Variants in MYPOP observed in about 807,000 individuals in gnomAD.
The protein encoded by MYPOP is myb-related transcription factor, partner of profilin.
In MYPOP, 21 loss-of-function variants were observed where a neutral mutation model predicts 25.7. That is an observed-to-expected ratio of 0.82 (90% CI 0.58 to 1.18). The LOEUF (loss-of-function observed/expected upper bound fraction) is 1.18. MYPOP is among the 50% of genes most tolerant of loss of function. The pLI, the probability that MYPOP is intolerant of heterozygous loss-of-function variation, is 0.00. For synonymous variants in MYPOP, 280 were observed against 247.9 expected (o/e 1.13, Z -1.22); for missense variants, 566 against 588.3 (o/e 0.96, Z 0.39).
At chr19:45,902,313 A>G (rs1011867383) in intron 1 of MYPOP, among the ~76,000 whole-genome samples, 11 of 151,664 alleles carry the variant, frequency 7.3e-5, no homozygotes, top group Admixed American at 7.2e-4. Context: ...GACCGATATG[A>G]GAAGGGCCCT....
In MYPOP at chr19:45,890,739, C is replaced by T. The variant is rs779824056; in HGVS notation, c.1084G>A (p.Glu362Lys). 4.8e-5 allele frequency: 76 copies of T among 1,569,352 alleles called. No individual in the cohort carries two copies. Among genetic ancestry groups the T allele is most frequent in the South Asian group, 7.0e-5 (6 of 86,166 alleles). Reference sequence around the variant, plus strand: ...GGGGGGGGCCGGGGTGCCCCCTCCTCGCTCCTTGGGGCAATGATCACTCCC... The same window carrying T: ...GGGGGGGGCCGGGGTGCCCCCTCCTTGCTCCTTGGGGCAATGATCACTCCC... ...ARGVIIAPRSEEGAPRPPPAP... is the reference protein window; with the variant it reads ...ARGVIIAPRSKEGAPRPPPAP... Residue 362 changes from glutamate to lysine, a missense_variant, in exon 3 of 3, where the codon GAG becomes AAG. Coordinates refer to ENST00000322217, the MANE Select transcript of MYPOP (RefSeq NM_001012643.4).
Position 45,901,388 on chromosome 19 carries a change from G to A in MYPOP, c.386C>T (p.Ala129Val). ...AGGGGGCTCCTCCGCCCCAGCACCT[G>A]CCCCCGGCGCCGCCACACCTGGCCC... ...ILGPGVAAPGAGAGAEEPPAA... is the reference protein window; with the variant it reads ...ILGPGVAAPGVGAGAEEPPAA... Residue 129 changes from alanine (A) to valine (V), a missense_variant, in exon 2 of 3, where the codon GCA becomes GTA. Ala to Val is a moderately conservative substitution (Grantham distance 64). Coordinates refer to ENST00000322217, the MANE Select transcript of MYPOP (RefSeq NM_001012643.4). This position sits in a 1 kb window ranked among gnomAD's most constrained non-coding sequence, Gnocchi z 5.7. 6.6e-7 allele frequency: 1 copy of A among 1,510,636 alleles called. No homozygotes were observed. The allele number at this position is 1,510,636 out of a possible 1,614,324, so 93.6% of individuals were successfully genotyped here.
In MYPOP at chr19:45,891,330, A is replaced by G. The variant is rs1240458212; in HGVS notation, c.500-7T>C. The G allele has an allele frequency of 6.7e-7, 1 of 1,488,554 alleles. No individual in the cohort carries two copies. The highest frequency in any genetic ancestry group is 1.3e-5 in the South Asian group (1 of 74,506). The allele number at this position is 1,488,554 out of a possible 1,614,324, so 92.2% of individuals were successfully genotyped here. A position where few individuals can be genotyped will look rare whatever the true frequency, so the allele number is the denominator to read the frequency against. ...TTGCTGTGGGCTGATGTATCTGTAG[A>G]GAGAGAAATACAGGTAAGGGGTGAG... On this transcript the variant is annotated splice_polypyrimidine_tract_variant and splice_region_variant and intron_variant, in intron 2 of 2. Coordinates refer to ENST00000322217, the MANE Select transcript of MYPOP (RefSeq NM_001012643.4).
chr19:45,901,410 GC>G lies in MYPOP; in HGVS notation c.363del (p.Pro122GlnfsTer166). On this transcript the variant is annotated frameshift_variant, in exon 2 of 3. Coordinates refer to ENST00000322217, the MANE Select transcript of MYPOP (RefSeq NM_001012643.4). LOFTEE classifies it high-confidence loss of function. The surrounding 1 kb of genome is among the most constrained non-coding windows in gnomAD (Gnocchi z 5.7). ...CCTGCCCCCGGCGCCGCCACACCTG[GC>G]CCCAGGATGGCAAAAATGGTCTCCT... ...AEEETIFAIL[G>X]PGVAAPGAGA... 1.9e-6 allele frequency: 3 copies of G among 1,554,926 alleles called. No homozygotes were observed. The highest frequency in any genetic ancestry group is 2.6e-6 in the Non-Finnish European group (3 of 1,150,722).
At chr19:45,895,197 G>GGCTGTAGCCACGGTGGCCTCCTT (rs1230990118) in intron 2 of MYPOP, among the ~76,000 whole-genome samples, 2 of 152,030 alleles carry the variant, frequency 1.3e-5, no homozygotes, top group Non-Finnish European at 2.9e-5. Context: ...TGGGTTACCT[G>GGCTGTAGCCACGGTGGCCTCCTT]GCTGTAGCCA....
intron 2 of MYPOP, among the ~76,000 whole-genome samples, chr19:45,898,060 A>C (rs1967231659): frequency 6.6e-6 from 1 of 151,160 alleles, no homozygotes; most frequent in Non-Finnish European, 1.5e-5. Context: ...AGTACCTGGG[A>C]CTACAGGCGT....
At position 45,901,875 on chromosome 19, in the gene MYPOP, C is replaced by T; in HGVS notation, c.-52-50G>A. 3.0e-6 allele frequency: 3 copies of T among 985,766 alleles called. No homozygotes were observed. The highest frequency in any genetic ancestry group is 3.9e-6 in the Non-Finnish European group (3 of 763,312). 61.1% of individuals were successfully genotyped at this position (985,766 alleles called of 1,614,324 possible). A position where few individuals can be genotyped will look rare whatever the true frequency, so the allele number is the denominator to read the frequency against. ...TGGCTGGGGTTCGGGGTCCCCCCGC[C>T]GCCGCCTCTCCCAGACCGCCGGGCC... is the stretch of plus-strand genomic sequence containing the variant. On this transcript the variant is annotated intron_variant, in intron 1 of 2. Transcript: ENST00000322217. The surrounding 1 kb of genome is among the most constrained non-coding windows in gnomAD (Gnocchi z 5.7).
intron 2 of MYPOP, among the ~76,000 whole-genome samples, chr19:45,898,192 T>C (rs1480368135): frequency 1.3e-5 from 2 of 152,202 alleles, no homozygotes; most frequent in Non-Finnish European, 2.9e-5. Flanking sequence ...CCCAAAGTGC[T>C]GGGATTACAG....
rs150220406 is a variant in MYPOP, at chr19:45,891,010, G to A, written c.813C>T (p.Asn271=). 44,663 of 1,529,498 alleles carry A rather than the reference G, an allele frequency of 0.029. 783 individuals carry two copies. The highest frequency in any genetic ancestry group is 0.034 in the Non-Finnish European group (38,766 of 1,135,278). The allele number at this position is 1,529,498 out of a possible 1,614,324, so 94.7% of individuals were successfully genotyped here. Residue 271 remains asparagine (N), a synonymous_variant, in exon 3 of 3, where the codon AAC becomes AAT. Transcript: ENST00000322217. ...DFLRAQQETA[N]AIRELAGTLR... ...GGGTGCCGGCCAGCTCCCGGATGGCGTTGGCAGTCTCCTGCTGGGCCCGCA... is the reference window on the plus strand; with the variant it reads ...GGGTGCCGGCCAGCTCCCGGATGGCATTGGCAGTCTCCTGCTGGGCCCGCA...
rs955603360 is a variant in MYPOP at position 45,901,208 on chromosome 19, G to A, written c.499+67C>T. ...CATCCACCTCACAGGGCTGCAGCAA[G>A]GCTTTGATGAGACATGTAAAAGGCT... On this transcript the variant is annotated intron_variant, in intron 2 of 2. Transcript: ENST00000322217. This position sits in a 1 kb window ranked among gnomAD's most constrained non-coding sequence, Gnocchi z 5.7. 5.9e-6 allele frequency: 8 copies of A among 1,349,504 alleles called. No individual in the cohort carries two copies. The highest frequency in any genetic ancestry group is 7.7e-6 in the Non-Finnish European group (8 of 1,039,618). The allele number at this position is 1,349,504 out of a possible 1,614,324, so 83.6% of individuals were successfully genotyped here.
intron 2 of MYPOP, among the ~76,000 whole-genome samples, chr19:45,895,157 T>C (rs1230176570): frequency 2.6e-5 from 4 of 152,208 alleles, no homozygotes; most frequent in Non-Finnish European, 5.9e-5. Context: ...CCCCATTGCC[T>C]TCCTGACCTC....
intron 2 of MYPOP, among the ~76,000 whole-genome samples, chr19:45,893,933 G>A (rs1967163721): frequency 6.7e-6 from 1 of 149,294 alleles, no homozygotes. Context: ...GGGACTACAG[G>A]CGCCCGCCAC....
chr19:45,893,261 C>T (rs901788591), intron 2 of MYPOP, among the ~76,000 whole-genome samples: 4 of 141,194 alleles, frequency 2.8e-5, no homozygotes, highest in Non-Finnish European at 6.1e-5. Flanking sequence ...GGCAACAGAG[C>T]GAGACTCTGT....
At position 45,890,716 on chromosome 19, in the gene MYPOP, G is replaced by C. The variant is rs763492011; in HGVS notation, c.1107C>G (p.Pro369=). ...AGTCGTGCGGAGGGAGCGGGGCTGGGGGGGGCCGGGGTGCCCCCTCCTCGC... is the reference window on the plus strand; with the variant it reads ...AGTCGTGCGGAGGGAGCGGGGCTGGCGGGGGCCGGGGTGCCCCCTCCTCGC... ...PRSEEGAPRP[P]PAPLPPHDSP... Residue 369 remains proline, a synonymous_variant, in exon 3 of 3, where the codon CCC becomes CCG. Coordinates refer to ENST00000322217, the MANE Select transcript of MYPOP (RefSeq NM_001012643.4). The C allele has an allele frequency of 9.5e-6, 15 of 1,581,538 alleles. No homozygotes were observed. The highest frequency in any genetic ancestry group is 1.1e-5 in the South Asian group (1 of 88,318).
chr19:45,891,290 C>A lies in MYPOP; in HGVS notation c.533G>T (p.Ser178Ile). 3 of 1,541,916 alleles carry A rather than the reference C, an allele frequency of 1.9e-6. No individual in the cohort carries two copies. The highest frequency in any genetic ancestry group is 2.4e-5 in the South Asian group (2 of 82,700). The change falls in exon 3 of 3, where the codon AGC becomes ATC. Residue 178 changes from serine to isoleucine, a missense_variant. Ser to Ile is a moderately radical substitution (Grantham distance 142). Coordinates refer to ENST00000322217, the MANE Select transcript of MYPOP (RefSeq NM_001012643.4). ...TSAHSKAGSSSPEPWARPSCT... is the reference protein window; with the variant it reads ...TSAHSKAGSSIPEPWARPSCT... ...GGAGGGCCGGGCCCATGGCTCCGGG[C>A]TGCTGGAGCCCGCCTTGCTGTGGGC...
intron 2 of MYPOP, among the ~76,000 whole-genome samples, chr19:45,893,931 A>G: frequency 6.7e-6 from 1 of 148,654 alleles, no homozygotes; most frequent in African/African-American, 2.5e-5. Flanking sequence ...CTGGGACTAC[A>G]GGCGCCCGCC....
intron 2 of MYPOP, among the ~76,000 whole-genome samples, chr19:45,896,709 T>C (rs1967210462): frequency 6.8e-6 from 1 of 147,990 alleles, no homozygotes; most frequent in Non-Finnish European, 1.5e-5. Flanking sequence ...CACTGCAAGC[T>C]CCGCTTCCCG....
intron 1 of MYPOP, among the ~76,000 whole-genome samples, chr19:45,902,356 G>A (rs1049530055): frequency 8.6e-5 from 13 of 151,962 alleles, no homozygotes; most frequent in Non-Finnish European, 7.4e-5. Context: ...GGTGAGGTGG[G>A]AGCTCCTGTA....
Position 45,891,116 on chromosome 19 carries a change from A to T in MYPOP, c.707T>A (p.Val236Glu). 1 of 1,151,092 alleles carries T rather than the reference A, an allele frequency of 8.7e-7. No individual in the cohort carries two copies. Among genetic ancestry groups the T allele is most frequent in the Non-Finnish European group, 1.1e-6 (1 of 911,612 alleles). The allele number at this position is 1,151,092 out of a possible 1,614,324, so 71.3% of individuals were successfully genotyped here. A position where few individuals can be genotyped will look rare whatever the true frequency, so the allele number is the denominator to read the frequency against. Residue 236 changes from valine to glutamate, a missense_variant, in exon 3 of 3, where the codon GTG (valine) becomes GAG (glutamate). Transcript: ENST00000322217. ...TGGGGGGCTAGGGGGTGAGGGTGCC[A>T]CTTGGGCCAGTGGCGGTGGGGGTGG... ...PLPPPPPLAQVAPSPPSPPPP... is the reference protein window; with the variant it reads ...PLPPPPPLAQEAPSPPSPPPP...
Sources: gnomAD v4.1 joint callset for allele counts (sites outside exome capture counted in the v4.1 genomes callset) on GRCh38, gnomAD v4.1.1 for gene constraint, Gnocchi (gnomAD v3.1) non-coding constraint, MANE v1.5 for transcripts, NCBI Gene and HGNC (gene_info 2026-07-23, HGNC 2026-07-21) for gene names.